Variants in ZFHX3 observed in about 807,000 individuals in gnomAD.
ZFHX3 encodes the protein zinc finger homeobox protein 3.
A neutral mutation model predicts 279.1 loss-of-function variants in ZFHX3; 42 were observed. That is an observed-to-expected ratio of 0.15 (90% CI 0.12 to 0.19). The LOEUF is 0.19. Ranked by LOEUF, ZFHX3 falls within the 10% of genes least tolerant of loss-of-function variation. The pLI, the probability that ZFHX3 is intolerant of heterozygous loss-of-function variation, is 1.00. For missense variants in ZFHX3, 4,981 were observed against 4,754.0 expected (o/e 1.05, Z -1.40); for synonymous variants, 2,293 against 1,957.8 (o/e 1.17, Z -4.52).
chr16:73,258,833 C>T (rs939800283), intron 4 of ZFHX3, among the ~76,000 whole-genome samples: 1 of 152,174 alleles, frequency 6.6e-6, no homozygotes, highest in Non-Finnish European at 1.5e-5. Flanking sequence ...CTTTCTCTCT[C>T]ACTTCTTCCC....
chr16:73,294,939 C>T (rs1444689546), intron 4 of ZFHX3, among the ~76,000 whole-genome samples: 1 of 151,996 alleles, frequency 6.6e-6, no homozygotes, highest in South Asian at 2.1e-4. Flanking sequence ...CACGGCTGGG[C>T]GCGGTGACTC....
chr16:73,682,920 GAA>G (rs140403185), intron 1 of ZFHX3, among the ~76,000 whole-genome samples: 9,779 of 45,876 alleles, frequency 0.21, 1,317 homozygotes, highest in African/African-American at 0.24. Context: ...AAGAAAGAGA[GAA>G]AGAGAAAGAA....
intron 1 of ZFHX3, among the ~76,000 whole-genome samples, chr16:73,712,583 T>C (rs2053374224): frequency 6.6e-6 from 1 of 152,152 alleles, no homozygotes; most frequent in South Asian, 2.1e-4. Context: ...TCTTTGAGCA[T>C]GGGAATCTGG....
intron 1 of ZFHX3, among the ~76,000 whole-genome samples, chr16:73,888,081 G>C (rs1597159412): frequency 6.6e-6 from 1 of 152,110 alleles, no homozygotes; most frequent in Admixed American, 6.5e-5. Context: ...GCCCACCTCC[G>C]TCTTCCTCTC....
chr16:73,589,774 A>AAAAAAAAACC (rs2051974619), intron 2 of ZFHX3, among the ~76,000 whole-genome samples: 1 of 132,170 alleles, frequency 7.6e-6, no homozygotes. Context: ...AAAAAAAAGA[A>AAAAAAAAACC]TATACCCTGT....
intron 1 of ZFHX3, among the ~76,000 whole-genome samples, chr16:73,885,897 A>C (rs1209942638): frequency 6.6e-6 from 1 of 152,156 alleles, no homozygotes; most frequent in Admixed American, 6.6e-5. Flanking sequence ...TACCCCCCTG[A>C]CTGAGGGAAA....
intron 1 of ZFHX3, chr16:72,973,834 C>T (rs924642068): frequency 6.6e-6 from 1 of 152,172 alleles, no homozygotes; most frequent in Non-Finnish European, 1.5e-5. Context: ...ATCGAAATCA[C>T]TGCACTCCAG....
At chr16:73,439,923 A>AC in intron 3 of ZFHX3, among the ~76,000 whole-genome samples, 1 of 145,762 alleles carries the variant, frequency 6.9e-6, no homozygotes, top group African/African-American at 2.8e-5. Context: ...AAAAAAAAAA[A>AC]AAAAAAAAAC....
chr16:73,148,825 T>C (rs1260128312), intron 5 of ZFHX3, among the ~76,000 whole-genome samples: 15 of 151,568 alleles, frequency 9.9e-5, no homozygotes, highest in Non-Finnish European at 2.1e-4. Flanking sequence ...CATGAGCCTG[T>C]AGTCCCAGCT....
chr16:73,102,889 T>C (rs1966249248), intron 7 of ZFHX3, among the ~76,000 whole-genome samples: 1 of 152,152 alleles, frequency 6.6e-6, no homozygotes, highest in African/African-American at 2.4e-5. Flanking sequence ...CAGTGAATGG[T>C]AGCCATTGGG....
chr16:72,905,650 C>T (rs2039151407), intron 3 of ZFHX3, among the ~76,000 whole-genome samples: 1 of 152,094 alleles, frequency 6.6e-6, no homozygotes, highest in Non-Finnish European at 1.5e-5. Context: ...TCACCACACA[C>T]ACCTTTGCAG....
chr16:73,539,284 A>G (rs1432622232), intron 2 of ZFHX3, among the ~76,000 whole-genome samples: 2 of 151,810 alleles, frequency 1.3e-5, no homozygotes, highest in Admixed American at 6.6e-5. Context: ...AATGTCCAGA[A>G]TTCGATTCCA....
intron 1 of ZFHX3, chr16:73,014,965 C>G (rs1163930964): frequency 6.6e-6 from 1 of 151,834 alleles, no homozygotes; most frequent in Non-Finnish European, 1.5e-5. Flanking sequence ...ACCCTAGGGA[C>G]CAGCTGAAAC....
At position 73,549,867 on chromosome 16, in the gene ZFHX3, AT is replaced by A. The variant is rs112749828; in HGVS notation, c.-1546-93610del. Among the ~76,000 whole-genome samples, 203 of 141,820 alleles carry A rather than the reference AT, an allele frequency of 1.4e-3. No individual in the cohort carries two copies. In the Middle Eastern group the frequency reaches 0.015, roughly 10 times the overall value. 93.0% of individuals were successfully genotyped at this position (141,820 alleles called of 152,430 possible). A position where few individuals can be genotyped will look rare whatever the true frequency, so the allele number is the denominator to read the frequency against. ...AGCGCTACATTTGATATAGAGACTG[AT>A]TTTTTTTTTTTCCCATCAAAATTAC... On this transcript the variant is annotated intron_variant, in intron 2 of 17. Coordinates refer to the ZFHX3 transcript ENST00000641206.
At chr16:73,029,606 T>G (rs963096848) in intron 1 of ZFHX3, among the ~76,000 whole-genome samples, 3 of 152,296 alleles carry the variant, frequency 2.0e-5, no homozygotes, top group African/African-American at 7.2e-5. Flanking sequence ...TATCTGGAGA[T>G]TTCTTCCCAA....
chr16:73,539,639 AAAG>A (rs1408968053), intron 2 of ZFHX3, among the ~76,000 whole-genome samples: 1 of 151,834 alleles, frequency 6.6e-6, no homozygotes, highest in Non-Finnish European at 1.5e-5. Context: ...ATGGACAATA[AAAG>A]AAGAAGGGCG....
chr16:73,738,317 G>C (rs975688605), intron 1 of ZFHX3, among the ~76,000 whole-genome samples: 1 of 152,182 alleles, frequency 6.6e-6, no homozygotes, highest in African/African-American at 2.4e-5. Context: ...AGCTTAGAGA[G>C]GGGCAGGAGC....
At chr16:73,634,129 CATAT>C (rs2052505128) in intron 2 of ZFHX3, among the ~76,000 whole-genome samples, 1 of 151,824 alleles carries the variant, frequency 6.6e-6, no homozygotes, top group Non-Finnish European at 1.5e-5. Flanking sequence ...TGTGTACATA[CATAT>C]ACATACATAA....
intron 8 of ZFHX3, among the ~76,000 whole-genome samples, chr16:73,086,106 A>G (rs750837280): frequency 6.6e-6 from 1 of 152,172 alleles, no homozygotes; most frequent in Non-Finnish European, 1.5e-5. Flanking sequence ...TTAAAATGCC[A>G]TTTAAAAATG....
Sources: allele counts gnomAD v4.1 joint callset (sites outside exome capture counted in the v4.1 genomes callset), GRCh38; gene constraint gnomAD v4.1.1; transcripts MANE v1.5; gene names NCBI Gene and HGNC (gene_info 2026-07-23, HGNC 2026-07-21).